The following C16orf46 variants were observed in gnomAD, a reference collection of about 807,000 sequenced individuals.
C16orf46 encodes the protein uncharacterized protein C16orf46.
In C16orf46, 7 loss-of-function variants were observed where a neutral mutation model predicts 5.5. That is an observed-to-expected ratio of 1.28 (90% CI 0.73 to 2.40). The LOEUF (loss-of-function observed/expected upper bound fraction) is 2.40, where lower values mean the gene tolerates loss of function less well. C16orf46 is among the 30% of genes most tolerant of loss of function. The pLI is 0.00. For missense variants in C16orf46, 614 were observed against 476.0 expected (o/e 1.29, Z -2.70); for synonymous variants, 200 against 184.1 (o/e 1.09, Z -0.70).
At chr16:81,069,495 G>A (rs1009945424) in intron 1 of C16orf46, among the ~76,000 whole-genome samples, 79 of 152,286 alleles carry the variant, frequency 5.2e-4, no homozygotes, top group African/African-American at 1.7e-3. Flanking sequence ...TCACTCATTT[G>A]ACTTCAGTTC....
intron 3 of C16orf46, among the ~76,000 whole-genome samples, 198 bp downstream of exon 3, chr16:81,063,548 C>T (rs1396672116): frequency 6.6e-6 from 1 of 152,194 alleles, no homozygotes; most frequent in Non-Finnish European, 1.5e-5. Flanking sequence ...ACTGTGCTGT[C>T]CACATACTAA....
rs1272572269 is a variant in C16orf46, at chr16:81,061,812, G to A, written c.537C>T (p.Gly179=). 8 of 1,614,096 alleles carry A rather than the reference G, an allele frequency of 5.0e-6. No individual in the cohort carries two copies. The highest frequency in any genetic ancestry group is 6.8e-6 in the Non-Finnish European group (8 of 1,180,050). ...IWCNKDWAIP[G]TNRGKASGNP... ...TCCCAGAGGCCTTGCCCCTATTAGT[G>A]CCGGGGATGGCCCAGTCTTTGTTGC... Residue 179 remains glycine, a synonymous_variant, in exon 4 of 4, where the codon GGC becomes GGT. Transcript: ENST00000299578.
exon 4 of C16orf46, chr16:81,053,712 C>T (rs755888675): frequency 1.1e-5 from 2 of 187,060 alleles, no homozygotes; most frequent in African/African-American, 4.7e-5. Flanking sequence ...ACAAGTCATA[C>T]TCTTTTTAAC....
downstream of C16orf46, among the ~76,000 whole-genome samples, chr16:81,060,250 T>G (rs35662031): frequency 0.034 from 5,146 of 152,238 alleles, 116 homozygotes; most frequent in Admixed American, 0.063. Context: ...TCTGAGGGTG[T>G]GACACCCTGG....
downstream of C16orf46, chr16:81,060,559 C>G (rs1486154585): frequency 1.3e-5 from 2 of 152,786 alleles, no homozygotes; most frequent in African/African-American, 2.4e-5. Flanking sequence ...ATCCACCTGC[C>G]TTGGCCTCCC....
chr16:81,059,973 A>T (rs1227676295), downstream of C16orf46, among the ~76,000 whole-genome samples: 1 of 151,768 alleles, frequency 6.6e-6, no homozygotes, highest in African/African-American at 2.4e-5. Flanking sequence ...TATTTTTAGT[A>T]GAGATAGGGT....
chr16:81,062,892 T>C (rs200064781), intron 3 of C16orf46, among the ~76,000 whole-genome samples: 2 of 151,526 alleles, frequency 1.3e-5, no homozygotes, highest in East Asian at 3.9e-4. Flanking sequence ...TTTTTTTTTT[T>C]TTAGTTTTCT....
chr16:81,060,281 C>T (rs1405737161), downstream of C16orf46: 1 of 152,310 alleles, frequency 6.6e-6, no homozygotes, highest in African/African-American at 2.4e-5. Flanking sequence ...TCTCCAATGC[C>T]TTGGACGTCC....
intron 1 of C16orf46, among the ~76,000 whole-genome samples, chr16:81,072,882 T>C (rs1002981959): frequency 1.3e-5 from 2 of 151,994 alleles, no homozygotes; most frequent in Admixed American, 1.3e-4. Flanking sequence ...TTGTATTTTT[T>C]TGTAGAAACA....
intron 1 of C16orf46, among the ~76,000 whole-genome samples, chr16:81,068,659 C>G (rs1290859310): frequency 6.7e-6 from 1 of 150,138 alleles, no homozygotes; most frequent in Non-Finnish European, 1.5e-5. Flanking sequence ...TTTGGCTTCC[C>G]AAAGTGCTGG....
intron 3 of C16orf46, 53 bp downstream of exon 3, chr16:81,063,691 ACC>A: frequency 6.8e-7 from 1 of 1,472,638 alleles, no homozygotes; most frequent in Non-Finnish European, 9.3e-7. Context: ...AGAGGCTTGC[ACC>A]AAAACACTGA....
rs756167011 is a variant in C16orf46 at position 81,061,173 on chromosome 16, G to A, written c.1176C>T (p.His392=). 3.1e-6 allele frequency: 5 copies of A among 1,608,466 alleles called. No individual in the cohort carries two copies. The South Asian group carries it at 5.5e-5, about 18-fold the overall frequency. The part of the protein sequence containing the change: ...VSRVIIPVST[H]RIL ...CTACCGCAACCGCTCAGAGGATCCT[G>A]TGGGTAGAGACAGGAATGATAACTC... The change falls in exon 4 of 4, where the codon CAC becomes CAT. Residue 392 remains histidine (H), a synonymous_variant. Coordinates refer to ENST00000299578, the MANE Select transcript of C16orf46 (RefSeq NM_152337.3).
intron 1 of C16orf46, among the ~76,000 whole-genome samples, chr16:81,072,666 G>A (rs934059013): frequency 2.6e-5 from 4 of 151,062 alleles, no homozygotes; most frequent in Non-Finnish European, 5.9e-5. Flanking sequence ...TTATAGGCGT[G>A]AGCCACCGTG....
At chr16:81,072,836 G>C (rs1288734975) in intron 1 of C16orf46, among the ~76,000 whole-genome samples, 1 of 152,046 alleles carries the variant, frequency 6.6e-6, no homozygotes, top group Non-Finnish European at 1.5e-5. Flanking sequence ...TGAGTAGCTG[G>C]GATTACAGGC....
intron 1 of C16orf46, among the ~76,000 whole-genome samples, chr16:81,075,498 G>A (rs1972007459): frequency 6.6e-6 from 1 of 152,168 alleles, no homozygotes; most frequent in Non-Finnish European, 1.5e-5. Context: ...GCAGAGGCAG[G>A]AGAATCGCTT....
At chr16:81,073,374 A>G (rs1190792519) in intron 1 of C16orf46, among the ~76,000 whole-genome samples, 1 of 152,214 alleles carries the variant, frequency 6.6e-6, no homozygotes, top group East Asian at 1.9e-4. Context: ...AGGTTAATTT[A>G]TGGTCATGGA....
At chr16:81,054,164 A>C (rs895181379) in intron 3 of C16orf46, 1 of 1,416,170 alleles carries the variant, frequency 7.1e-7, no homozygotes, top group African/African-American at 1.4e-5. Context: ...GGCAGAAGTC[A>C]ATGCATCTGA....
chr16:81,073,677 T>A (rs189804987), intron 1 of C16orf46, among the ~76,000 whole-genome samples: 2 of 152,210 alleles, frequency 1.3e-5, no homozygotes, highest in Non-Finnish European at 1.5e-5. Context: ...TTGTCTTAGC[T>A]AGCAGCAGCA....
chr16:81,064,893 A>T (rs1258079943), intron 2 of C16orf46, among the ~76,000 whole-genome samples: 1 of 152,218 alleles, frequency 6.6e-6, no homozygotes, highest in Admixed American at 6.5e-5. Context: ...GACTTTGAGA[A>T]TCCAGACCTA....
Sources: gnomAD v4.1 joint callset for allele counts (sites outside exome capture counted in the v4.1 genomes callset) on GRCh38, gnomAD v4.1.1 for gene constraint, MANE v1.5 for transcripts, NCBI Gene and HGNC (gene_info 2026-07-23, HGNC 2026-07-21) for gene names.